The following CENPF variants were observed in gnomAD, a reference collection of about 807,000 sequenced individuals.
The protein encoded by CENPF is AH antigen.
CENPF carries 214 observed loss-of-function variants against 307.3 expected under a neutral mutation model. That is an observed-to-expected ratio of 0.70 (90% CI 0.62 to 0.78). The LOEUF (loss-of-function observed/expected upper bound fraction) is 0.78, where lower values mean the gene tolerates loss of function less well. CENPF is among the 30% of genes least tolerant of loss of function. The probability of loss-of-function intolerance (pLI) is 0.00; values close to 1 mark genes in which losing one functional copy is unlikely to be tolerated. For synonymous variants in CENPF, 1,259 were observed against 1,270.6 expected, an observed-to-expected ratio of 0.99 and a Z score of 0.19; for missense variants, 3,401 against 3,483.9, an observed-to-expected ratio of 0.98 and a Z score of 0.60.
intron 3 of CENPF, 39 bp downstream of exon 3, chr1:214,615,067 T>A: frequency 7.1e-7 from 1 of 1,399,864 alleles, no homozygotes; most frequent in Non-Finnish European, 9.8e-7. Context: ...ATGATATTTG[T>A]ATGTATTAAT....
At position 214,619,191 on chromosome 1, in the gene CENPF, G is replaced by C. The variant is rs769320835; in HGVS notation, c.544G>C (p.Glu182Gln). The stretch of plus-strand genomic sequence containing the variant: ...AGAGGTTGAAGAACGAAAAAGATTA[G>C]AGGCAGAGGTTAAAGCCTTGCAGGC... ...NKEVEERKRL[E>Q]AEVKALQAKK... Residue 182 changes from glutamate to glutamine, a missense_variant, in exon 5 of 20, where the codon GAG becomes CAG. Transcript: ENST00000366955. 1.3e-6 allele frequency: 2 copies of C among 1,585,978 alleles called. No individual in the cohort carries two copies. The highest frequency in any genetic ancestry group is 2.2e-5 in the South Asian group (2 of 89,508).
chr1:214,607,429 G>T (rs1395579195), intron 1 of CENPF, among the ~76,000 whole-genome samples: 2 of 152,206 alleles, frequency 1.3e-5, no homozygotes, highest in African/African-American at 4.8e-5. Context: ...GCATGAAGTG[G>T]TTGGTGTCAG....
intron 16 of CENPF, chr1:214,653,536 C>T (rs1377935151): frequency 6.5e-6 from 1 of 154,216 alleles, no homozygotes; most frequent in Non-Finnish European, 1.5e-5. Context: ...AAGATGGTAC[C>T]ACTGTAATTC....
chr1:214,623,731 A>C (rs1338667182), intron 7 of CENPF, among the ~76,000 whole-genome samples: 1 of 152,110 alleles, frequency 6.6e-6, no homozygotes, highest in Non-Finnish European at 1.5e-5. Context: ...ATAAATAGAC[A>C]AAAATCTCCA....
intron 12 of CENPF, 108 bp downstream of exon 12, chr1:214,643,432 T>G: frequency 1.9e-6 from 2 of 1,047,844 alleles, no homozygotes; most frequent in Non-Finnish European, 2.6e-6. Context: ...AAAATATTTT[T>G]AGGGTTCAAG....
Position 214,641,491 on chromosome 1 carries a change from T to C in CENPF, c.3153T>C (p.Ser1051=), listed in dbSNP as rs777201577. 5.3e-6 allele frequency: 8 copies of C among 1,522,746 alleles called. No homozygotes were observed. In the East Asian group the frequency reaches 1.8e-4, roughly 35 times the overall value. The allele number at this position is 1,522,746 out of a possible 1,614,324, so 94.3% of individuals were successfully genotyped here. A position where few individuals can be genotyped will look rare whatever the true frequency, so the allele number is the denominator to read the frequency against. ...ACAAAGCAGCACAGGAAAAGAATTC[T>C]AAATTAGAATGCTTGCTAAATGAAT... ...QKYKAAQEKN[S]KLECLLNECT... Residue 1051 remains serine (S), a synonymous_variant, in exon 12 of 20, where the codon TCT becomes TCC. Transcript: ENST00000366955.
chr1:214,608,168 G>C (rs1657089735), intron 1 of CENPF: 3 of 858,898 alleles, frequency 3.5e-6, no homozygotes, highest in South Asian at 1.7e-5. Flanking sequence ...AAGCTCGCCT[G>C]TCCGGCTCTC....
intron 10 of CENPF, 46 bp from the exon 11 acceptor site, chr1:214,637,820 C>G (rs749812208): frequency 6.3e-7 from 1 of 1,578,820 alleles, no homozygotes; most frequent in Non-Finnish European, 8.6e-7. Context: ...TCATAACTTA[C>G]TTGAGCATTC....
At position 214,620,939 on chromosome 1, in the gene CENPF, G is replaced by T. The variant is rs979998961; in HGVS notation, c.858G>T (p.Gln286His). The T allele has an allele frequency of 1.9e-6, 3 of 1,604,496 alleles. No homozygotes were observed. In the African/African-American group the frequency reaches 4.0e-5, roughly 22 times the overall value. The change falls in exon 6 of 20, where the codon CAG becomes CAT. Residue 286 changes from glutamine (Q) to histidine (H), a missense_variant. Transcript: ENST00000366955. ...ATCTTTTGGATCAATTAAAAGCGCAGAATCAAGGTAACATTGAGCTAAGTT... is the reference window on the plus strand; with the variant it reads ...ATCTTTTGGATCAATTAAAAGCGCATAATCAAGGTAACATTGAGCTAAGTT... ...SPHLLDQLKA[Q>H]NQELRNKINE...
chr1:214,654,623 G>A (rs1658581251), intron 16 of CENPF, among the ~76,000 whole-genome samples: 1 of 151,708 alleles, frequency 6.6e-6, no homozygotes, highest in South Asian at 2.1e-4. Flanking sequence ...ATCTCTTCAG[G>A]TTGGGTTTTG....
intron 5 of CENPF, 21 bp downstream of exon 5, chr1:214,619,241 A>G (rs1553285343): frequency 2.7e-6 from 3 of 1,094,356 alleles, no homozygotes; most frequent in South Asian, 2.7e-5. Flanking sequence ...TATGGGCCCT[A>G]TAATAGAGTA....
At chr1:214,636,812 A>G (rs1657977785) in intron 10 of CENPF, among the ~76,000 whole-genome samples, 1 of 152,162 alleles carries the variant, frequency 6.6e-6, no homozygotes, top group Admixed American at 6.5e-5. Flanking sequence ...CAGTTTAGAA[A>G]AAAGTTAGCT....
intron 10 of CENPF, among the ~76,000 whole-genome samples, chr1:214,634,296 A>G (rs1657897937): frequency 6.6e-6 from 1 of 152,234 alleles, no homozygotes; most frequent in South Asian, 2.1e-4. Flanking sequence ...TGAGGGTGAT[A>G]GCAAGATTTC....
intron 7 of CENPF, among the ~76,000 whole-genome samples, chr1:214,624,726 T>A (rs965395388): frequency 2.6e-5 from 4 of 152,170 alleles, no homozygotes; most frequent in African/African-American, 9.7e-5. Context: ...TTTTTTTTTT[T>A]CTCTGTTTTC....
chr1:214,612,500 C>T (rs1022683934), intron 1 of CENPF, among the ~76,000 whole-genome samples: 4 of 152,032 alleles, frequency 2.6e-5, no homozygotes, highest in Admixed American at 6.6e-5. Flanking sequence ...GTTGAGGAGG[C>T]GTCCCTCCTC....
intron 1 of CENPF, among the ~76,000 whole-genome samples, chr1:214,609,150 G>T (rs374573026): frequency 6.6e-6 from 1 of 151,800 alleles, no homozygotes; most frequent in Non-Finnish European, 1.5e-5. Context: ...TGCGTCCGTC[G>T]GTCCCTCCGC....
At position 214,646,627 on chromosome 1, in the gene CENPF, G is replaced by A; in HGVS notation, c.7057G>A (p.Glu2353Lys). 1.2e-6 allele frequency: 2 copies of A among 1,614,072 alleles called. No individual in the cohort carries two copies. Among genetic ancestry groups the A allele is most frequent in the Non-Finnish European group, 1.7e-6 (2 of 1,180,000 alleles). Residue 2353 changes from glutamate (E) to lysine (K), a missense_variant, in exon 13 of 20, where the codon GAG (glutamate) becomes AAG (lysine). Transcript: ENST00000366955. The part of the protein sequence containing the change: ...RELEIARTNQ[E>K]HAALEAENSK... ...GCTAGAGATAGCCAGGACAAACCAAGAGCATGCAGCTCTTGAGGCAGAGAA... is the reference window on the plus strand; with the variant it reads ...GCTAGAGATAGCCAGGACAAACCAAAAGCATGCAGCTCTTGAGGCAGAGAA...
chr1:214,615,324 T>C, intron 3 of CENPF: 1 of 189,410 alleles, frequency 5.3e-6, no homozygotes, highest in Non-Finnish European at 1.1e-5. Context: ...ATTCAGACAC[T>C]ATTGGTCACT....
At position 214,650,764 on chromosome 1, in the gene CENPF, G is replaced by A. The variant is rs929069921; in HGVS notation, c.7984-946G>A. 9.2e-5 allele frequency among the ~76,000 whole-genome samples: 14 copies of A among 152,124 alleles called. 1 individual carries two copies. Among genetic ancestry groups the A allele is most frequent in the African/African-American group, 2.7e-4 (11 of 41,496 alleles). On this transcript the variant is annotated intron_variant, in intron 14 of 19. Coordinates refer to ENST00000366955, the MANE Select transcript of CENPF (RefSeq NM_016343.4). ...AAAAAAACAGTAAAATTAGCCAGACGTGGTGGCACATACTTGGGAGGCTGA... is the reference window on the plus strand; with the variant it reads ...AAAAAAACAGTAAAATTAGCCAGACATGGTGGCACATACTTGGGAGGCTGA...
Sources: allele counts gnomAD v4.1 joint callset (sites outside exome capture counted in the v4.1 genomes callset), GRCh38; gene constraint gnomAD v4.1.1; transcripts MANE v1.5; gene names NCBI Gene and HGNC (gene_info 2026-07-23, HGNC 2026-07-21).